PPIL1: variants seen among roughly 807,000 people sequenced by gnomAD.
PPIL1 encodes the protein peptidyl-prolyl cis-trans isomerase-like 1.
A neutral mutation model predicts 19.4 loss-of-function variants in PPIL1; 14 were observed. That is an observed-to-expected ratio of 0.72 (90% CI 0.48 to 1.13). PPIL1 has a LOEUF of 1.13. PPIL1 is among the 50% of genes most tolerant of loss of function. The probability of loss-of-function intolerance (pLI) is 0.00; values close to 1 mark genes in which losing one functional copy is unlikely to be tolerated. For synonymous variants in PPIL1, 72 were observed against 73.6 expected, an observed-to-expected ratio of 0.98 and a Z score of 0.11; for missense variants, 192 against 218.0, an observed-to-expected ratio of 0.88 and a Z score of 0.75.
intron 2 of PPIL1, among the ~76,000 whole-genome samples, chr6:36,870,417 G>A (rs1774484454): frequency 6.6e-6 from 1 of 151,900 alleles, no homozygotes; most frequent in South Asian, 2.1e-4. Flanking sequence ...GAGCATAGTC[G>A]GCCCTCCCTA....
rs1774149593 is a variant in PPIL1 at position 36,855,611 on chromosome 6, T to A, written c.*202A>T. 1.7e-6 allele frequency: 1 copy of A among 595,880 alleles called. No individual in the cohort carries two copies. The highest frequency in any genetic ancestry group is 3.0e-6 in the Non-Finnish European group (1 of 337,186). 36.9% of individuals were successfully genotyped at this position (595,880 alleles called of 1,614,324 possible). A position where few individuals can be genotyped will look rare whatever the true frequency, so the allele number is the denominator to read the frequency against. ...AACAGGGGCATTTGTGCAAATGCTCTGGCAACCTAGGCACTGGGGGAAGAG... is the reference window on the plus strand; with the variant it reads ...AACAGGGGCATTTGTGCAAATGCTCAGGCAACCTAGGCACTGGGGGAAGAG... On this transcript the variant is annotated 3_prime_UTR_variant, in exon 4 of 4. Coordinates refer to ENST00000373699, the MANE Select transcript of PPIL1 (RefSeq NM_016059.5).
At chr6:36,863,694 C>T (rs1381816295) in intron 2 of PPIL1, among the ~76,000 whole-genome samples, 1 of 152,140 alleles carries the variant, frequency 6.6e-6, no homozygotes, top group African/African-American at 2.4e-5. Flanking sequence ...CTTGAACATG[C>T]TCCATTCAGA....
At chr6:36,868,333 G>T (rs1448683504) in intron 2 of PPIL1, among the ~76,000 whole-genome samples, 1 of 151,516 alleles carries the variant, frequency 6.6e-6, no homozygotes, top group African/African-American at 2.4e-5. Flanking sequence ...AGTGAATGCA[G>T]GGAAAAAAGA....
intron 2 of PPIL1, among the ~76,000 whole-genome samples, chr6:36,857,382 G>A (rs568828914): frequency 8.6e-4 from 131 of 152,342 alleles, no homozygotes; most frequent in African/African-American, 2.1e-3. Context: ...GCCAGGTGTG[G>A]TGGCTCACAT....
chr6:36,856,194 G>A (rs1465397469), intron 3 of PPIL1, among the ~76,000 whole-genome samples, 161 bp from the exon 4 acceptor site: 1 of 152,122 alleles, frequency 6.6e-6, no homozygotes, highest in African/African-American at 2.4e-5. Context: ...CCTGTACAAA[G>A]GCCATCACTA....
In PPIL1 at chr6:36,855,664, T is replaced by C. The variant is rs921036506; in HGVS notation, c.*149A>G. 1 of 732,350 alleles carries C rather than the reference T, an allele frequency of 1.4e-6. No homozygotes were observed. Among genetic ancestry groups the C allele is most frequent in the Non-Finnish European group, 2.3e-6 (1 of 443,926 alleles). The allele number at this position is 732,350 out of a possible 1,614,324, so 45.4% of individuals were successfully genotyped here. On this transcript the variant is annotated 3_prime_UTR_variant, in exon 4 of 4. Coordinates refer to ENST00000373699, the MANE Select transcript of PPIL1 (RefSeq NM_016059.5). ...AAGAAGCATCCTATTAAAATGTACT[T>C]CCATCTCTAACTCACCCAAGATGCC...
chr6:36,874,684 C>T (rs1439490921), intron 1 of PPIL1, 33 bp downstream of exon 1: 2 of 1,611,720 alleles, frequency 1.2e-6, no homozygotes, highest in South Asian at 2.2e-5. Context: ...TCCGCGTCTC[C>T]TCTGCCAGCC....
In PPIL1 at chr6:36,874,758, G is replaced by A; in HGVS notation, c.15C>T (p.Pro5=). The A allele has an allele frequency of 1.2e-6, 2 of 1,614,140 alleles. No individual in the cohort carries two copies. The highest frequency in any genetic ancestry group is 2.7e-5 in the African/African-American group (2 of 75,062). Reference sequence around the variant, plus strand: ...CGTTGGGTGGCTGCCAGGAATCTGGGGGAATTGCCGCCATAGCGAAGCCGG... The same window carrying A: ...CGTTGGGTGGCTGCCAGGAATCTGGAGGAATTGCCGCCATAGCGAAGCCGG... MAAI[P]PDSWQPPNVY... is the part of the protein sequence containing the mutation. Residue 5 remains proline (P), a synonymous_variant, in exon 1 of 4, where the codon CCC becomes CCT. Coordinates refer to ENST00000373699, the MANE Select transcript of PPIL1 (RefSeq NM_016059.5).
At chr6:36,868,241 T>C (rs940129368) in intron 2 of PPIL1, among the ~76,000 whole-genome samples, 4 of 151,830 alleles carry the variant, frequency 2.6e-5, no homozygotes, top group Non-Finnish European at 5.9e-5. Flanking sequence ...AATGAGCTAG[T>C]AGATAAATTA....
Position 36,871,788 on chromosome 6 carries a change from G to A in PPIL1, c.141C>T (p.Tyr47=). Residue 47 remains tyrosine (Y), a synonymous_variant, in exon 2 of 4, where the codon TAC becomes TAT. Coordinates refer to ENST00000373699, the MANE Select transcript of PPIL1 (RefSeq NM_016059.5). ...KNFAELARRG[Y]YNGTKFHRII... ...TTCTGTGGAATTTTGTGCCATTGTAGTAACCTCGACGAGCCAACTCAGCAA... is the reference window on the plus strand; with the variant it reads ...TTCTGTGGAATTTTGTGCCATTGTAATAACCTCGACGAGCCAACTCAGCAA... 6.2e-7 allele frequency: 1 copy of A among 1,611,648 alleles called. No homozygotes were observed. The highest frequency in any genetic ancestry group is 1.1e-5 in the South Asian group (1 of 90,474).
rs1187671481 is a variant in PPIL1 at position 36,866,260 on chromosome 6, G to A, written c.211+5458C>T. The stretch of plus-strand genomic sequence containing the variant: ...AGTCAAAGGGTATTTGAATTGACAA[G>A]GCATCTGGCAAAGATGTATTACAAG... On this transcript the variant is annotated intron_variant, in intron 2 of 3. Coordinates refer to ENST00000373699, the MANE Select transcript of PPIL1 (RefSeq NM_016059.5). Among the ~76,000 whole-genome samples, 3 of 152,168 alleles carry A rather than the reference G, an allele frequency of 2.0e-5. No homozygotes were observed. In the East Asian group the frequency reaches 5.8e-4, roughly 29 times the overall value.
chr6:36,872,678 G>A (rs535252250), intron 1 of PPIL1, among the ~76,000 whole-genome samples: 5 of 152,060 alleles, frequency 3.3e-5, no homozygotes, highest in Non-Finnish European at 7.4e-5. Flanking sequence ...CACAATCTCA[G>A]CTTATCGCAA....
chr6:36,873,137 A>T (rs1452053099), intron 1 of PPIL1, among the ~76,000 whole-genome samples: 1 of 152,238 alleles, frequency 6.6e-6, no homozygotes, highest in African/African-American at 2.4e-5. Flanking sequence ...ATATTTTCAA[A>T]ATACAGAAAG....
intron 2 of PPIL1, among the ~76,000 whole-genome samples, chr6:36,861,454 T>C (rs1035726532): frequency 6.6e-6 from 1 of 152,184 alleles, no homozygotes; most frequent in Non-Finnish European, 1.5e-5. Context: ...CCAAAATCCC[T>C]GCTCGCTCAA....
At chr6:36,867,840 T>C (rs1354137936) in intron 2 of PPIL1, among the ~76,000 whole-genome samples, 1 of 152,200 alleles carries the variant, frequency 6.6e-6, no homozygotes, top group Admixed American at 6.5e-5. Flanking sequence ...GAAAGCAACC[T>C]AACATTTGAA....
At chr6:36,857,033 C>CT (rs548981114) in intron 2 of PPIL1, among the ~76,000 whole-genome samples, 2 of 152,016 alleles carry the variant, frequency 1.3e-5, no homozygotes, top group Non-Finnish European at 2.9e-5. Context: ...GATTTTTAAC[C>CT]TTTTTTTGAG....
At chr6:36,872,235 T>A (rs1417518223) in intron 1 of PPIL1, among the ~76,000 whole-genome samples, 1 of 152,100 alleles carries the variant, frequency 6.6e-6, no homozygotes. Flanking sequence ...CACTTAATTT[T>A]TAATTTTTTA....
At chr6:36,861,758 G>T (rs1470238764) in intron 2 of PPIL1, among the ~76,000 whole-genome samples, 3 of 148,704 alleles carry the variant, frequency 2.0e-5, no homozygotes, top group Non-Finnish European at 4.4e-5. Context: ...GTGCAATGGT[G>T]CCATCTTGGC....
intron 2 of PPIL1, among the ~76,000 whole-genome samples, chr6:36,869,499 A>G (rs2150659391): frequency 6.6e-6 from 1 of 152,326 alleles, no homozygotes; most frequent in African/African-American, 2.4e-5. Flanking sequence ...CTGAAACATG[A>G]ATGAACTTAA....
Sources: allele counts gnomAD v4.1 joint callset (sites outside exome capture counted in the v4.1 genomes callset), GRCh38; gene constraint gnomAD v4.1.1; transcripts MANE v1.5; gene names NCBI Gene and HGNC (gene_info 2026-07-23, HGNC 2026-07-21).